The following CPPED1 variants were observed in gnomAD, a reference collection of about 807,000 sequenced individuals.
CPPED1 encodes the protein calcineurin like phosphoesterase domain containing 1, also known as serine/threonine-protein phosphatase CPPED1.
Under a neutral mutation model 28.0 loss-of-function variants are expected in CPPED1, and 28 were observed. That is an observed-to-expected ratio of 1.00 (90% confidence interval 0.74 to 1.37). CPPED1 has a LOEUF of 1.37. Among genes scored for constraint, CPPED1 ranks in the 40% most tolerant of loss-of-function variants. CPPED1 has a pLI of 0.00. For synonymous variants in CPPED1, 198 were observed against 180.2 expected (o/e 1.10, Z -0.79); for missense variants, 504 against 416.5 (o/e 1.21, Z -1.83).
At chr16:12,702,782 G>A (rs1263280025) in intron 3 of CPPED1, among the ~76,000 whole-genome samples, 2 of 151,898 alleles carry the variant, frequency 1.3e-5, no homozygotes, top group Admixed American at 6.6e-5. Flanking sequence ...TGGATCACCT[G>A]ACGTCAGAAG....
intron 1 of CPPED1, among the ~76,000 whole-genome samples, chr16:12,797,040 C>T (rs554144686): frequency 4.6e-5 from 7 of 152,156 alleles, no homozygotes; most frequent in East Asian, 1.9e-4. Flanking sequence ...ATGAAATGTC[C>T]GGAAAAGGCC....
At chr16:12,799,461 G>T (rs1219546984) in intron 1 of CPPED1, among the ~76,000 whole-genome samples, 2 of 152,076 alleles carry the variant, frequency 1.3e-5, no homozygotes, top group Non-Finnish European at 2.9e-5. Context: ...GGCCAGACTG[G>T]TCTTAAACTC....
chr16:12,690,832 TCCACGGAC>T (rs1313788412), intron 3 of CPPED1, among the ~76,000 whole-genome samples: 1 of 152,142 alleles, frequency 6.6e-6, no homozygotes, highest in Non-Finnish European at 1.5e-5. Context: ...CCAAGTAGGC[TCCACGGAC>T]CCTCACTTGG....
intron 1 of CPPED1, among the ~76,000 whole-genome samples, chr16:12,785,962 T>G (rs2080560676): frequency 1.3e-5 from 2 of 149,958 alleles, no homozygotes; most frequent in Non-Finnish European, 3.0e-5. Context: ...CAAAAGACAC[T>G]CAGGGGTCCA....
chr16:12,751,528 C>T (rs1486383509), intron 2 of CPPED1, among the ~76,000 whole-genome samples: 1 of 152,176 alleles, frequency 6.6e-6, no homozygotes, highest in Non-Finnish European at 1.5e-5. Flanking sequence ...GGCTGCAGCT[C>T]CTGCAGCCAT....
At chr16:12,731,378 T>TAA (rs111814033) in intron 2 of CPPED1, among the ~76,000 whole-genome samples, 8 of 140,486 alleles carry the variant, frequency 5.7e-5, no homozygotes, top group Non-Finnish European at 1.1e-4. Context: ...TTTTTTTAAT[T>TAA]AAAAAAAAAA....
At chr16:12,766,682 T>C (rs770632624) in intron 2 of CPPED1, among the ~76,000 whole-genome samples, 10 of 152,028 alleles carry the variant, frequency 6.6e-5, no homozygotes, top group Admixed American at 1.3e-4. Context: ...GGCAGGAGAA[T>C]TGCTTGAACC....
At position 12,661,269 on chromosome 16, in the gene CPPED1, G is replaced by A. The variant is rs1051916418; in HGVS notation, c.*3617C>T. 1 of 152,110 alleles carries A rather than the reference G, an allele frequency of 6.6e-6. No individual in the cohort carries two copies. The highest frequency in any genetic ancestry group is 2.4e-5 in the African/African-American group (1 of 41,412). 9.4% of individuals were successfully genotyped at this position (152,110 alleles called of 1,614,324 possible). A position where few individuals can be genotyped will look rare whatever the true frequency, so the allele number is the denominator to read the frequency against. On this transcript the variant is annotated 3_prime_UTR_variant, in exon 4 of 4. Coordinates refer to ENST00000381774, the MANE Select transcript of CPPED1 (RefSeq NM_018340.3). Reference sequence around the variant, plus strand: ...CTTTTACAGGTATATAAGGTCAATGGCCCTAGTCTAATTCAGATTTAAACT... The same window carrying A: ...CTTTTACAGGTATATAAGGTCAATGACCCTAGTCTAATTCAGATTTAAACT...
chr16:12,672,885 G>A (rs959293638), intron 3 of CPPED1, among the ~76,000 whole-genome samples: 32 of 152,206 alleles, frequency 2.1e-4, no homozygotes, highest in African/African-American at 7.7e-4. Context: ...GTGGTGGCAG[G>A]CGCCTGTAAT....
At position 12,795,935 on chromosome 16, in the gene CPPED1, T is replaced by C. The variant is rs1596488891; in HGVS notation, c.70+7772A>G. Among the ~76,000 whole-genome samples the C allele has an allele frequency of 2.6e-5, 4 of 151,146 alleles. 1 individual carries two copies. In the South Asian group the frequency reaches 8.4e-4, roughly 32 times the overall value. On this transcript the variant is annotated intron_variant, in intron 1 of 3. Transcript: ENST00000381774. ...CCCATCTCTACCAAAACACAAAAAT[T>C]AGCCAGGTGCAGTGGCATGCACCTG...
chr16:12,683,644 C>T (rs563475183), intron 3 of CPPED1, among the ~76,000 whole-genome samples: 57 of 152,244 alleles, frequency 3.7e-4, no homozygotes, highest in Non-Finnish European at 4.4e-4. Flanking sequence ...GGAGTCACCC[C>T]GAGACTCCCT....
At position 12,709,754 on chromosome 16, in the gene CPPED1, G is replaced by A. The variant is rs944018517; in HGVS notation, c.290-4705C>T. Among the ~76,000 whole-genome samples the A allele has an allele frequency of 3.9e-5, 6 of 152,142 alleles. No homozygotes were observed. Among genetic ancestry groups the A allele is most frequent in the African/African-American group, 1.2e-4 (5 of 41,420 alleles). On this transcript the variant is annotated intron_variant, in intron 2 of 3. Transcript: ENST00000381774. This position sits in a 1 kb window ranked among gnomAD's most constrained non-coding sequence, Gnocchi z 4.4. ...AGTATAGCTATGATCATAGGTAATG[G>A]TGAAAGACTGACTGCCTTCCTCCAA...
chr16:12,737,343 G>A (rs1335701175), intron 2 of CPPED1, among the ~76,000 whole-genome samples: 1 of 152,134 alleles, frequency 6.6e-6, no homozygotes, highest in Admixed American at 6.6e-5. Flanking sequence ...AGGGAGAGCA[G>A]GCAGAGGGAA....
At chr16:12,773,995 T>C (rs2080483787) in intron 2 of CPPED1, among the ~76,000 whole-genome samples, 1 of 152,112 alleles carries the variant, frequency 6.6e-6, no homozygotes, top group Non-Finnish European at 1.5e-5. Flanking sequence ...GCCTCAGCTG[T>C]TCAGCAGCAA....
At chr16:12,689,701 G>A (rs1029176119) in intron 3 of CPPED1, among the ~76,000 whole-genome samples, 3 of 152,160 alleles carry the variant, frequency 2.0e-5, no homozygotes, top group Admixed American at 6.5e-5. Flanking sequence ...GGAAGTCATC[G>A]GCAAATAAGG....
chr16:12,745,503 C>T (rs1282175018), intron 2 of CPPED1, among the ~76,000 whole-genome samples: 9 of 152,132 alleles, frequency 5.9e-5, no homozygotes, highest in South Asian at 4.1e-4. Flanking sequence ...AAAAAAGGAA[C>T]GAGATCATGT....
At chr16:12,794,725 C>A (rs1016497863) in intron 1 of CPPED1, among the ~76,000 whole-genome samples, 2 of 152,198 alleles carry the variant, frequency 1.3e-5, no homozygotes, top group African/African-American at 4.8e-5. Flanking sequence ...GATCTTAGAG[C>A]ATTTTGCAAT....
chr16:12,670,905 C>A lies in CPPED1; in HGVS notation c.716-5790G>T, dbSNP rs2079849880. Reference sequence around the variant, plus strand: ...TCACTGTGACGCCCATGCTGAAGTACAGTGGTGCGATCTCGGCTCACTGCA... The same window carrying A: ...TCACTGTGACGCCCATGCTGAAGTAAAGTGGTGCGATCTCGGCTCACTGCA... On this transcript the variant is annotated intron_variant, in intron 3 of 3. Coordinates refer to ENST00000381774, the MANE Select transcript of CPPED1 (RefSeq NM_018340.3). The surrounding 1 kb of genome is among the most constrained non-coding windows in gnomAD (Gnocchi z 4.2). 6.6e-6 allele frequency among the ~76,000 whole-genome samples: 1 copy of A among 152,086 alleles called. No homozygotes were observed. The highest frequency in any genetic ancestry group is 1.5e-5 in the Non-Finnish European group (1 of 68,008).
At chr16:12,699,420 G>A (rs556792642) in intron 3 of CPPED1, among the ~76,000 whole-genome samples, 1 of 151,734 alleles carries the variant, frequency 6.6e-6, no homozygotes, top group African/African-American at 2.4e-5. Flanking sequence ...GGCAGGCTTC[G>A]ATTCACACAG....
Sources: gnomAD v4.1 joint callset for allele counts (sites outside exome capture counted in the v4.1 genomes callset) on GRCh38, gnomAD v4.1.1 for gene constraint, Gnocchi (gnomAD v3.1) non-coding constraint, MANE v1.5 for transcripts, NCBI Gene and HGNC (gene_info 2026-07-23, HGNC 2026-07-21) for gene names.